The following HMGN5 variants were observed in gnomAD, a reference collection of about 807,000 sequenced individuals.
HMGN5 encodes high mobility group nucleosome-binding domain-containing protein 5.
In HMGN5, 4 loss-of-function variants were observed where a neutral mutation model predicts 9.5. The ratio of observed to expected loss-of-function variants is 0.42; its 90% CI spans 0.21 to 0.96. The LOEUF (loss-of-function observed/expected upper bound fraction) is 0.96, where lower values mean the gene tolerates loss of function less well. HMGN5 is among the 40% of genes least tolerant of loss of function. The pLI is 0.30. For missense variants in HMGN5, 192 were observed against 187.5 expected (o/e 1.02, Z -0.14); for synonymous variants, 55 against 57.1 (o/e 0.96, Z 0.16).
At chrX:81,170,530 G>A (rs1248207781) in intron 1 of HMGN5, among the ~76,000 whole-genome samples, 1 of 111,501 alleles carries the variant, frequency 9.0e-6, no homozygotes, top group Admixed American at 9.5e-5. Context: ...TAATCAATTT[G>A]TCTAGTAATG....
intron 1 of HMGN5, among the ~76,000 whole-genome samples, chrX:81,161,406 C>G (rs12391679): frequency 0.02 from 2,176 of 110,943 alleles, 95 homozygotes; most frequent in African/African-American, 0.068. Flanking sequence ...CATTTTGGAG[C>G]AAAACCAAGA....
intron 1 of HMGN5, among the ~76,000 whole-genome samples, chrX:81,186,928 T>A (rs2075479182): frequency 8.9e-6 from 1 of 111,889 alleles, no homozygotes; most frequent in Non-Finnish European, 1.9e-5. Context: ...CCAATTTTTA[T>A]ATTCCCTTCC....
At chrX:81,139,000 G>A (rs1046773631) in intron 1 of HMGN5, among the ~76,000 whole-genome samples, 10 of 111,617 alleles carry the variant, frequency 9.0e-5, no homozygotes, top group Non-Finnish European at 1.5e-4. Flanking sequence ...GACATATCAC[G>A]CTCACAGAAT....
chrX:81,188,778 C>T (rs1240190166), intron 1 of HMGN5, among the ~76,000 whole-genome samples: 5 of 110,780 alleles, frequency 4.5e-5, no homozygotes, highest in Non-Finnish European at 9.4e-5. Context: ...TTTCCAGCTT[C>T]ATCCATGTCC....
At chrX:81,152,644 G>C (rs915058395) in intron 1 of HMGN5, among the ~76,000 whole-genome samples, 8 of 110,758 alleles carry the variant, frequency 7.2e-5, no homozygotes, top group Non-Finnish European at 9.4e-5. Context: ...CCCATTACTC[G>C]GTATATGCCC....
chrX:81,177,367 C>CAAAAAAAAAAAAAAAAAAA lies in HMGN5; in HGVS notation c.-124+24351_-124+24369dup, dbSNP rs148090852. Among the ~76,000 whole-genome samples, 6 of 10,676 alleles carry CAAAAAAAAAAAAAAAAAAA rather than the reference C, an allele frequency of 5.6e-4. 2 individuals are homozygous for CAAAAAAAAAAAAAAAAAAA. Among genetic ancestry groups the CAAAAAAAAAAAAAAAAAAA allele is most frequent in the Non-Finnish European group, 8.4e-4 (5 of 5,927 alleles). 9.3% of individuals were successfully genotyped at this position (10,676 alleles called of 115,157 possible). On this transcript the variant is annotated intron_variant, in intron 1 of 6. Transcript: ENST00000358130. ...GAAGATCTACCAAGCAAATGGAAAG[C>CAAAAAAAAAAAAAAAAAAA]AAAAAAAAAAAAAAAAAAAAAAAAA...
At chrX:81,135,275 A>AAAAAGAC (rs1454301590) in intron 1 of HMGN5, among the ~76,000 whole-genome samples, 1 of 111,968 alleles carries the variant, frequency 8.9e-6, no homozygotes, top group African/African-American at 3.2e-5. Context: ...TCTCAATAAG[A>AAAAAGAC]AAAAGACAAA....
At chrX:81,147,849 C>A (rs1288295089) in intron 1 of HMGN5, among the ~76,000 whole-genome samples, 1 of 111,054 alleles carries the variant, frequency 9.0e-6, no homozygotes, top group African/African-American at 3.3e-5. Flanking sequence ...CAGACAAACA[C>A]AGAGCCAAAT....
intron 1 of HMGN5, among the ~76,000 whole-genome samples, chrX:81,137,837 T>C (rs923353399): frequency 2.7e-5 from 3 of 111,473 alleles, no homozygotes; most frequent in African/African-American, 9.7e-5. Context: ...ATTGCACAAG[T>C]AACCAATATG....
chrX:81,195,071 G>C (rs915493301), intron 1 of HMGN5: 2 of 111,245 alleles, frequency 1.8e-5, no homozygotes, highest in Admixed American at 9.6e-5. Context: ...GAACTAATAA[G>C]ATAGGTGTAT....
intron 1 of HMGN5, among the ~76,000 whole-genome samples, chrX:81,146,662 G>A (rs2075344832): frequency 9.0e-6 from 1 of 111,670 alleles, no homozygotes; most frequent in Non-Finnish European, 1.9e-5. Context: ...CAGAACTGAT[G>A]GAGATAGAGA....
chrX:81,140,647 C>T (rs1403735514), intron 1 of HMGN5, among the ~76,000 whole-genome samples: 1 of 109,789 alleles, frequency 9.1e-6, no homozygotes. Flanking sequence ...CCCTAAACAA[C>T]CAGTAACGAT....
intron 1 of HMGN5, among the ~76,000 whole-genome samples, chrX:81,201,360 A>G (rs577042977): frequency 4.0e-4 from 45 of 111,138 alleles, no homozygotes; most frequent in African/African-American, 1.3e-3. Flanking sequence ...CCATTTCAAC[A>G]TCTGCAATAT....
intron 1 of HMGN5, among the ~76,000 whole-genome samples, chrX:81,152,021 G>T (rs2075364202): frequency 9.0e-6 from 1 of 111,635 alleles, no homozygotes; most frequent in South Asian, 3.7e-4. Flanking sequence ...TTAAACGTTA[G>T]ACCTAAAAAC....
At chrX:81,197,172 T>C (rs1223916264) in intron 1 of HMGN5, among the ~76,000 whole-genome samples, 1 of 112,366 alleles carries the variant, frequency 8.9e-6, no homozygotes, top group African/African-American at 3.2e-5. Flanking sequence ...TGTTTTAAAA[T>C]TTAAAAAATT....
chrX:81,143,025 T>G (rs2075333887), intron 1 of HMGN5, among the ~76,000 whole-genome samples: 1 of 111,875 alleles, frequency 8.9e-6, no homozygotes, highest in Non-Finnish European at 1.9e-5. Context: ...TTTTAATTGT[T>G]TATTTGTTGA....
At chrX:81,177,126 G>C (rs187660992) in intron 1 of HMGN5, among the ~76,000 whole-genome samples, 77 of 109,393 alleles carry the variant, frequency 7.0e-4, no homozygotes, top group African/African-American at 2.5e-3. Flanking sequence ...GAAGAGACTG[G>C]AGGCCAATAT....
At chrX:81,193,406 C>T (rs746924262) in intron 1 of HMGN5, among the ~76,000 whole-genome samples, 2 of 112,436 alleles carry the variant, frequency 1.8e-5, no homozygotes, top group Non-Finnish European at 3.8e-5. Flanking sequence ...TTTTAGCCTG[C>T]AGCCATCAAG....
chrX:81,116,339 T>C lies in HMGN5; in HGVS notation c.132A>G (p.Lys44=). The change falls in exon 6 of 7, where the codon AAA becomes AAG. Residue 44 remains lysine, a splice_region_variant and synonymous_variant. Coordinates refer to ENST00000358130, the MANE Select transcript of HMGN5 (RefSeq NM_030763.3). ...VKPKRTSSSR[K]MKTKSDMMEE... Reference sequence around the variant, plus strand: ...CCATCATATCACTTTTTGTCTTCATTTTCTGCCAAGCAATATAAAACAATG... The same window carrying C: ...CCATCATATCACTTTTTGTCTTCATCTTCTGCCAAGCAATATAAAACAATG... 1 of 1,175,597 alleles carries C rather than the reference T, an allele frequency of 8.5e-7. No homozygotes were observed. Among genetic ancestry groups the C allele is most frequent in the Non-Finnish European group, 1.2e-6 (1 of 866,901 alleles).
Sources: allele counts gnomAD v4.1 joint callset (sites outside exome capture counted in the v4.1 genomes callset), GRCh38; gene constraint gnomAD v4.1.1; transcripts MANE v1.5; gene names NCBI Gene and HGNC (gene_info 2026-07-23, HGNC 2026-07-21).